Variants in COL19A1 observed in about 807,000 individuals in gnomAD.
COL19A1 encodes the protein collagen type XIX alpha 1 chain.
COL19A1 carries 159 observed loss-of-function variants against 190.2 expected under a neutral mutation model. That is an observed-to-expected ratio of 0.84 (90% CI 0.73 to 0.95). COL19A1 has a LOEUF of 0.95. Ranked by LOEUF, COL19A1 falls within the 40% of genes least tolerant of loss-of-function variation. The pLI, the probability that COL19A1 is intolerant of heterozygous loss-of-function variation, is 0.00. For synonymous variants in COL19A1, 509 were observed against 458.9 expected (o/e 1.11, Z -1.39); for missense variants, 1,418 against 1,431.9 (o/e 0.99, Z 0.16).
At chr6:70,021,024 T>C (rs987587790) in intron 11 of COL19A1, among the ~76,000 whole-genome samples, 2 of 152,162 alleles carry the variant, frequency 1.3e-5, no homozygotes, top group African/African-American at 4.8e-5. Flanking sequence ...GAAATCCAGA[T>C]ACATTGAATT....
intron 16 of COL19A1, 54 bp from the exon 17 acceptor site, chr6:70,121,826 T>C: frequency 9.0e-7 from 1 of 1,105,572 alleles, no homozygotes; most frequent in Non-Finnish European, 1.3e-6. Flanking sequence ...TATTTAAATA[T>C]TCATTGTTTT....
At chr6:70,154,108 C>CG (rs1454675296) in intron 31 of COL19A1, among the ~76,000 whole-genome samples, 129 of 106,328 alleles carry the variant, frequency 1.2e-3, no homozygotes, top group African/African-American at 4.9e-3. Context: ...CCCTCCCCTA[C>CG]CCCCCCCAAC....
At position 70,198,859 on chromosome 6, in the gene COL19A1, G is replaced by C. The variant is rs776019427; in HGVS notation, c.3095-749G>C. 2.0e-5 allele frequency among the ~76,000 whole-genome samples: 3 copies of C among 152,182 alleles called. No individual in the cohort carries two copies. The East Asian group carries it at 5.8e-4, about 29-fold the overall frequency. On this transcript the variant is annotated intron_variant, in intron 48 of 50. Transcript: ENST00000620364. The stretch of plus-strand genomic sequence containing the variant: ...AGGATCTCTAATGAAGTTGCAGTCA[G>C]GATGTCATTCAGAGCTGCAGTCATT...
intron 15 of COL19A1, among the ~76,000 whole-genome samples, chr6:70,070,308 G>C (rs572706160): frequency 6.6e-6 from 1 of 152,216 alleles, no homozygotes; most frequent in South Asian, 2.1e-4. Flanking sequence ...AAGGAAATCA[G>C]TTAAATTGTA....
intron 5 of COL19A1, 148 bp from the exon 6 acceptor site, chr6:69,929,277 A>G (rs1308790155): frequency 5.1e-6 from 4 of 777,020 alleles, no homozygotes; most frequent in African/African-American, 1.8e-5. Context: ...CTTTTATTTT[A>G]ACAAACCTGG....
chr6:70,044,680 T>G (rs1779813167), intron 14 of COL19A1, among the ~76,000 whole-genome samples: 1 of 152,134 alleles, frequency 6.6e-6, no homozygotes, highest in South Asian at 2.1e-4. Context: ...ACATACATTC[T>G]CTCTCTCTTC....
intron 16 of COL19A1, among the ~76,000 whole-genome samples, chr6:70,106,527 A>G (rs535908520): frequency 1.3e-5 from 2 of 152,312 alleles, no homozygotes; most frequent in East Asian, 1.9e-4. Flanking sequence ...ATTTAGCTTA[A>G]CTATTATTCA....
intron 36 of COL19A1, among the ~76,000 whole-genome samples, chr6:70,165,306 G>A (rs997865728): frequency 3.9e-5 from 6 of 152,282 alleles, no homozygotes; most frequent in African/African-American, 1.4e-4. Flanking sequence ...TTTTCAGTCT[G>A]CTTCTCCTGT....
At chr6:69,947,973 C>T (rs555412668) in intron 9 of COL19A1, among the ~76,000 whole-genome samples, 8 of 151,904 alleles carry the variant, frequency 5.3e-5, no homozygotes, top group South Asian at 4.1e-4. Flanking sequence ...CATTAATTGA[C>T]GATTCTTCAT....
intron 11 of COL19A1, among the ~76,000 whole-genome samples, chr6:69,983,023 T>TAAATAAATAA (rs1562058743): frequency 4.4e-5 from 6 of 136,440 alleles, no homozygotes; most frequent in East Asian, 2.1e-4. Context: ...TAAATAAATA[T>TAAATAAATAA]AAAATAAAAT....
intron 40 of COL19A1, among the ~76,000 whole-genome samples, chr6:70,170,862 C>G (rs1250848282): frequency 1.3e-5 from 2 of 152,076 alleles, no homozygotes; most frequent in African/African-American, 4.8e-5. Context: ...ATTTTTGAAG[C>G]AGATTGGAAT....
At chr6:69,943,314 T>C (rs1582476805) in intron 9 of COL19A1, among the ~76,000 whole-genome samples, 3 of 152,276 alleles carry the variant, frequency 2.0e-5, no homozygotes. Context: ...TAATCCCTTG[T>C]CAGATGAATA....
intron 9 of COL19A1, 46 bp from the exon 10 acceptor site, chr6:69,959,950 A>G (rs766678445): frequency 1.3e-6 from 2 of 1,578,208 alleles, no homozygotes; most frequent in South Asian, 1.1e-5. Context: ...GTCTATGTTC[A>G]TATATCTTTA....
intron 4 of COL19A1, among the ~76,000 whole-genome samples, chr6:69,903,070 C>T (rs1770292924): frequency 6.6e-6 from 1 of 152,206 alleles, no homozygotes; most frequent in Non-Finnish European, 1.5e-5. Context: ...AGGTAATGAA[C>T]CACAAGGTTT....
At chr6:70,054,187 T>C (rs535045393) in intron 14 of COL19A1, among the ~76,000 whole-genome samples, 3 of 152,248 alleles carry the variant, frequency 2.0e-5, no homozygotes, top group East Asian at 3.9e-4. Flanking sequence ...CCGTCTCTAC[T>C]AAAAACACAA....
intron 9 of COL19A1, among the ~76,000 whole-genome samples, chr6:69,945,753 G>T (rs1773757218): frequency 6.6e-6 from 1 of 151,712 alleles, no homozygotes; most frequent in Admixed American, 6.6e-5. Context: ...TTACTTGTGG[G>T]TCTTCATCTG....
chr6:69,937,008 C>T, intron 8 of COL19A1, 98 bp downstream of exon 8: 1 of 1,497,278 alleles, frequency 6.7e-7, no homozygotes, highest in Non-Finnish European at 9.0e-7. Flanking sequence ...TCTTGCCATT[C>T]AGTGTTTGTT....
intron 15 of COL19A1, among the ~76,000 whole-genome samples, chr6:70,090,994 T>C (rs1782893649): frequency 6.6e-6 from 1 of 152,214 alleles, no homozygotes; most frequent in Admixed American, 6.5e-5. Context: ...CTCACTTTGT[T>C]CACATTTCTG....
chr6:69,928,540 T>G (rs1196891999), intron 5 of COL19A1, among the ~76,000 whole-genome samples: 1 of 152,156 alleles, frequency 6.6e-6, no homozygotes, highest in Non-Finnish European at 1.5e-5. Flanking sequence ...ATTTGTATTA[T>G]CAGGGAGCAT....
Sources: gnomAD v4.1 joint callset for allele counts (sites outside exome capture counted in the v4.1 genomes callset) on GRCh38, gnomAD v4.1.1 for gene constraint, MANE v1.5 for transcripts, NCBI Gene and HGNC (gene_info 2026-07-23, HGNC 2026-07-21) for gene names.